CLSTN2: variants seen among roughly 807,000 people sequenced by gnomAD.
CLSTN2 encodes the protein calsyntenin-2.
Under a neutral mutation model 101.2 loss-of-function variants are expected in CLSTN2, and 48 were observed. That is an observed-to-expected ratio of 0.47 (90% CI 0.38 to 0.60). The LOEUF is 0.60. Among genes scored for constraint, CLSTN2 ranks in the 20% least tolerant of loss-of-function variants. The pLI is 0.00. For missense variants in CLSTN2, 1,160 were observed against 1,238.2 expected, an observed-to-expected ratio of 0.94 and a Z score of 0.95; for synonymous variants, 481 against 463.6, an observed-to-expected ratio of 1.04 and a Z score of -0.48.
chr3:140,117,066 G>A (rs1291940038), intron 1 of CLSTN2, among the ~76,000 whole-genome samples: 1 of 152,154 alleles, frequency 6.6e-6, no homozygotes, highest in East Asian at 1.9e-4. Context: ...GGATGGCCCT[G>A]AGTGCACTGT....
chr3:140,285,452 A>C (rs1469673384), intron 2 of CLSTN2, among the ~76,000 whole-genome samples: 1 of 152,106 alleles, frequency 6.6e-6, no homozygotes, highest in East Asian at 1.9e-4. Flanking sequence ...GACACCCTCC[A>C]GTGCTGCATC....
At chr3:140,274,919 G>A (rs2086780217) in intron 2 of CLSTN2, among the ~76,000 whole-genome samples, 1 of 152,208 alleles carries the variant, frequency 6.6e-6, no homozygotes, top group Non-Finnish European at 1.5e-5. Context: ...GCAGGGAACA[G>A]GGTGGGCTCC....
At chr3:140,121,086 G>A (rs1352765327) in intron 1 of CLSTN2, among the ~76,000 whole-genome samples, 1 of 152,190 alleles carries the variant, frequency 6.6e-6, no homozygotes, top group Non-Finnish European at 1.5e-5. Context: ...GGACAGGGGT[G>A]AGGGAAACCA....
chr3:140,003,430 A>T (rs1220439551), intron 1 of CLSTN2, among the ~76,000 whole-genome samples: 1 of 152,166 alleles, frequency 6.6e-6, no homozygotes, highest in Non-Finnish European at 1.5e-5. Flanking sequence ...TTTGTTTATC[A>T]GTTTTAATAG....
chr3:140,173,382 G>A (rs534987020), intron 1 of CLSTN2, among the ~76,000 whole-genome samples: 1 of 152,198 alleles, frequency 6.6e-6, no homozygotes, highest in Admixed American at 6.5e-5. Flanking sequence ...GCTTTGCAGG[G>A]TACAGCCTCC....
chr3:140,020,599 C>T (rs1282828671), intron 1 of CLSTN2, among the ~76,000 whole-genome samples: 1 of 152,172 alleles, frequency 6.6e-6, no homozygotes, highest in Non-Finnish European at 1.5e-5. Flanking sequence ...TCATGCGTTC[C>T]CATTGTGCCC....
Position 140,170,649 on chromosome 3 carries a change from A to G in CLSTN2, c.110-5302A>G, listed in dbSNP as rs914936233. Among the ~76,000 whole-genome samples the G allele has an allele frequency of 3.3e-5, 5 of 152,364 alleles. No homozygotes were observed. The South Asian group carries it at 6.2e-4, about 19-fold the overall frequency. On this transcript the variant is annotated intron_variant, in intron 1 of 16. Transcript: ENST00000458420. ...GAAGGCAGACCTGTACATAGAAGGA[A>G]GTCAGCTCATTTCCTAATGAGGGAA... is the stretch of plus-strand genomic sequence containing the variant.
chr3:140,427,631 A>G lies in CLSTN2; in HGVS notation c.787+6357A>G, dbSNP rs971079599. 3.3e-5 allele frequency among the ~76,000 whole-genome samples: 5 copies of G among 152,228 alleles called. No individual in the cohort carries two copies. The South Asian group carries it at 6.2e-4, about 19-fold the overall frequency. On this transcript the variant is annotated intron_variant, in intron 5 of 16. Transcript: ENST00000458420. The stretch of plus-strand genomic sequence containing the variant: ...ATGGATCTCATTACACGTAGAGTCA[A>G]AAGAAGGCTACAGACACTCCCAGAG...
At chr3:140,151,551 G>T (rs2009865702) in intron 1 of CLSTN2, among the ~76,000 whole-genome samples, 1 of 152,054 alleles carries the variant, frequency 6.6e-6, no homozygotes. Context: ...TCAGGGAGGT[G>T]GCTTGATCTG....
rs996185730 is a variant in CLSTN2 at position 140,349,577 on chromosome 3, A to G, written c.233-54052A>G. Among the ~76,000 whole-genome samples the G allele has an allele frequency of 3.9e-5, 6 of 152,212 alleles. No individual in the cohort carries two copies. The South Asian group carries it at 1.0e-3, about 26-fold the overall frequency. ...TGACATTCCAGTGGGGATCCAATCT[A>G]TGGCTGCAGTATTGGGTGTGGTATG... On this transcript the variant is annotated intron_variant, in intron 2 of 16. Transcript: ENST00000458420.
intron 2 of CLSTN2, among the ~76,000 whole-genome samples, chr3:140,318,841 G>A (rs1404782982): frequency 2.0e-5 from 3 of 152,174 alleles, no homozygotes; most frequent in Non-Finnish European, 4.4e-5. Context: ...GTAAAGTGGA[G>A]AATTTAAACT....
At chr3:140,186,532 C>T (rs1273703156) in intron 2 of CLSTN2, among the ~76,000 whole-genome samples, 1 of 152,108 alleles carries the variant, frequency 6.6e-6, no homozygotes, top group Non-Finnish European at 1.5e-5. Context: ...CACTGAATAC[C>T]TTGGCATGAG....
chr3:140,360,159 C>G (rs937649392), intron 2 of CLSTN2, among the ~76,000 whole-genome samples: 8 of 152,068 alleles, frequency 5.3e-5, no homozygotes, highest in Non-Finnish European at 1.0e-4. Flanking sequence ...ACTCATCTCC[C>G]CCTGTAATCG....
intron 1 of CLSTN2, among the ~76,000 whole-genome samples, chr3:140,157,514 A>C (rs1293630862): frequency 1.3e-5 from 2 of 152,130 alleles, no homozygotes; most frequent in African/African-American, 4.8e-5. Flanking sequence ...TAGATTTTCT[A>C]ATTTGTGTGC....
At chr3:140,517,071 C>A (rs565078294) in intron 8 of CLSTN2, among the ~76,000 whole-genome samples, 2 of 152,092 alleles carry the variant, frequency 1.3e-5, no homozygotes, top group East Asian at 3.9e-4. Context: ...ATTCAAAAGC[C>A]TTGTCTTCAA....
intron 8 of CLSTN2, among the ~76,000 whole-genome samples, chr3:140,473,229 G>A (rs748424813): frequency 1.8e-4 from 27 of 152,174 alleles, no homozygotes; most frequent in African/African-American, 4.6e-4. Flanking sequence ...TTTTCATCAT[G>A]CCTCAGATTC....
At chr3:139,979,556 A>C (rs904726141) in intron 1 of CLSTN2, among the ~76,000 whole-genome samples, 3 of 152,100 alleles carry the variant, frequency 2.0e-5, no homozygotes, top group African/African-American at 7.2e-5. Context: ...ATAATTTAAA[A>C]AATTAAGTCC....
At chr3:140,175,674 G>A (rs1559798657) in intron 1 of CLSTN2, among the ~76,000 whole-genome samples, 2 of 152,150 alleles carry the variant, frequency 1.3e-5, no homozygotes, top group East Asian at 1.9e-4. Context: ...GGATTTTGAC[G>A]AGGTGAAGAA....
chr3:140,377,926 T>C lies in CLSTN2; in HGVS notation c.233-25703T>C, dbSNP rs761455819. Among the ~76,000 whole-genome samples, 110 of 152,216 alleles carry C rather than the reference T, an allele frequency of 7.2e-4. 1 individual carries two copies. The highest frequency in any genetic ancestry group is 6.5e-4 in the Non-Finnish European group (44 of 68,044). On this transcript the variant is annotated intron_variant, in intron 2 of 16. Coordinates refer to ENST00000458420, the MANE Select transcript of CLSTN2 (RefSeq NM_022131.3). ...TCTTGCAGGCTGCATTCATGGTAAG[T>C]GCCCTGTACAGGTTTACCACTTTAA...
Sources: allele counts gnomAD v4.1 joint callset (sites outside exome capture counted in the v4.1 genomes callset), GRCh38; gene constraint gnomAD v4.1.1; transcripts MANE v1.5; gene names NCBI Gene and HGNC (gene_info 2026-07-23, HGNC 2026-07-21).